WT1: variants seen among roughly 807,000 people sequenced by gnomAD.
WT1 encodes Wilms tumor protein.
Under a neutral mutation model 60.8 loss-of-function variants are expected in WT1, and 8 were observed. The observed-to-expected ratio is 0.13, with a 90% CI of 0.08 to 0.24. The LOEUF is 0.24. WT1 is among the 10% of genes least tolerant of loss of function. The pLI is 1.00. For missense variants in WT1, 568 were observed against 711.8 expected (o/e 0.80, Z 2.30); for synonymous variants, 312 against 297.1 (o/e 1.05, Z -0.52).
rs1196763919 is a variant in WT1, at chr11:32,388,929, G to A, written c.*129C>T. 3 of 1,530,596 alleles carry A rather than the reference G, an allele frequency of 2.0e-6. No individual in the cohort carries two copies. In the African/African-American group the frequency reaches 4.1e-5, roughly 21 times the overall value. The allele number at this position is 1,530,596 out of a possible 1,614,324, so 94.8% of individuals were successfully genotyped here. On this transcript the variant is annotated 3_prime_UTR_variant, in exon 10 of 10. Transcript: ENST00000452863. ...TAGTTTCCAGAAGCACCGGTATCTT[G>A]TCTTGGAAGTTGGATGAAGAAGATC...
chr11:32,406,255 T>C lies in WT1; in HGVS notation c.1017-6211A>G, dbSNP rs892281923. Among the ~76,000 whole-genome samples the C allele has an allele frequency of 9.2e-5, 14 of 152,198 alleles. No homozygotes were observed. In the East Asian group the frequency reaches 2.7e-3, roughly 29 times the overall value. On this transcript the variant is annotated intron_variant, in intron 5 of 9. Coordinates refer to ENST00000452863, the MANE Select transcript of WT1 (RefSeq NM_024426.6). ...GGTGGAGGTGGGGGTGGTTTTGGGA[T>C]GAAATTGTTCCACCTCAGATCGTCA...
intron 9 of WT1, 70 bp from the exon 10 acceptor site, chr11:32,389,249 C>A: frequency 1.9e-6 from 3 of 1,611,406 alleles, no homozygotes; most frequent in South Asian, 1.1e-5. Context: ...TATCAAGGCC[C>A]GAGTGAAGTC....
At chr11:32,425,180 GAAAAAAAAA>G (rs10540778) in intron 3 of WT1, among the ~76,000 whole-genome samples, 3 of 119,272 alleles carry the variant, frequency 2.5e-5, no homozygotes, top group African/African-American at 9.1e-5. Context: ...GTCTCGAAAA[GAAAAAAAAA>G]AAAAAAAAAA....
chr11:32,389,967 A>T (rs929264395), intron 9 of WT1, among the ~76,000 whole-genome samples: 3 of 152,184 alleles, frequency 2.0e-5, no homozygotes, highest in Non-Finnish European at 2.9e-5. Context: ...ACACGCACAC[A>T]CACAACCTCA....
At chr11:32,393,864 T>C (rs1198292344) in intron 7 of WT1, among the ~76,000 whole-genome samples, 1 of 152,156 alleles carries the variant, frequency 6.6e-6, no homozygotes, top group Non-Finnish European at 1.5e-5. Flanking sequence ...CTTCAATGGG[T>C]TGGAAAATCC....
intron 7 of WT1, 42 bp from the exon 8 acceptor site, chr11:32,392,797 A>G: frequency 6.3e-7 from 1 of 1,594,362 alleles, no homozygotes; most frequent in Non-Finnish European, 8.6e-7. Flanking sequence ...GATACTGGAA[A>G]AGGGGATCTC....
chr11:32,430,441 A>AGAGGGAGGGG, intron 1 of WT1: 1 of 1,351,470 alleles, frequency 7.4e-7, no homozygotes, highest in Non-Finnish European at 1.0e-6. Context: ...ACAGAGAGAG[A>AGAGGGAGGGG]GAGAGAGAGG....
At chr11:32,428,437 G>C in intron 2 of WT1, 60 bp downstream of exon 2, 1 of 1,611,544 alleles carries the variant, frequency 6.2e-7, no homozygotes, top group Non-Finnish European at 8.5e-7. Context: ...GAATTCCTGG[G>C]GGAGAGGAGG....
At chr11:32,427,643 TA>T (rs1853100482) in intron 3 of WT1, among the ~76,000 whole-genome samples, 1 of 152,236 alleles carries the variant, frequency 6.6e-6, no homozygotes, top group Non-Finnish European at 1.5e-5. Flanking sequence ...CCGTGTTTAA[TA>T]TTTAGTCCCG....
At chr11:32,428,387 C>T in intron 2 of WT1, 110 bp downstream of exon 2, 1 of 1,562,840 alleles carries the variant, frequency 6.4e-7, no homozygotes, top group Non-Finnish European at 8.7e-7. Context: ...TTCTAAGGTC[C>T]TTTTAGATGT....
At chr11:32,424,300 G>A (rs972734509) in intron 3 of WT1, among the ~76,000 whole-genome samples, 3 of 152,062 alleles carry the variant, frequency 2.0e-5, no homozygotes, top group African/African-American at 7.2e-5. Context: ...ATCAAATCCT[G>A]ATTCTGATTC....
chr11:32,426,680 G>C (rs1269744364), intron 3 of WT1, among the ~76,000 whole-genome samples: 4 of 151,572 alleles, frequency 2.6e-5, no homozygotes, highest in African/African-American at 7.3e-5. Flanking sequence ...CGGATGTTCC[G>C]GGGGAAAAAA....
intron 3 of WT1, among the ~76,000 whole-genome samples, chr11:32,419,301 T>C (rs1852780185): frequency 6.6e-6 from 1 of 152,190 alleles, no homozygotes; most frequent in African/African-American, 2.4e-5. Context: ...TCTCTACTGG[T>C]TTTTGTTCTC....
At chr11:32,415,457 T>C (rs556042092) in intron 5 of WT1, among the ~76,000 whole-genome samples, 2 of 152,322 alleles carry the variant, frequency 1.3e-5, no homozygotes, top group South Asian at 4.1e-4. Flanking sequence ...GACACCAGAC[T>C]GACCAACATG....
chr11:32,428,142 C>G, intron 2 of WT1, 84 bp from the exon 3 acceptor site: 2 of 1,277,852 alleles, frequency 1.6e-6, no homozygotes, highest in South Asian at 2.9e-5. Flanking sequence ...GGGGGAGACA[C>G]GAGATCCTGA....
At chr11:32,393,442 G>A (rs1372402221) in intron 7 of WT1, among the ~76,000 whole-genome samples, 1 of 152,200 alleles carries the variant, frequency 6.6e-6, no homozygotes, top group African/African-American at 2.4e-5. Flanking sequence ...GCCAAATACT[G>A]GGACCTGAGC....
chr11:32,416,128 G>C (rs553046975), intron 5 of WT1, among the ~76,000 whole-genome samples: 2 of 152,312 alleles, frequency 1.3e-5, no homozygotes, highest in African/African-American at 4.8e-5. Flanking sequence ...GGTAAATAAA[G>C]AAGAAGCAAG....
At chr11:32,397,627 C>T (rs1852013599) in intron 6 of WT1, among the ~76,000 whole-genome samples, 1 of 152,122 alleles carries the variant, frequency 6.6e-6, no homozygotes, top group South Asian at 2.1e-4. Context: ...GCCTAAAGTG[C>T]ATCCATGTTT....
rs1405273217 is a variant in WT1 at position 32,434,687 on chromosome 11, C to T, written c.661+13G>A. ...CTGCCCCGCGCGTAGGGGGCGCTCC[C>T]CGGCCTACTTACCCTGATTGCGAAT... On this transcript the variant is annotated intron_variant, in intron 1 of 9. Coordinates refer to ENST00000452863, the MANE Select transcript of WT1 (RefSeq NM_024426.6). 6.2e-7 allele frequency: 1 copy of T among 1,612,700 alleles called. No homozygotes were observed. Among genetic ancestry groups the T allele is most frequent in the Non-Finnish European group, 8.5e-7 (1 of 1,179,904 alleles).
Sources: gnomAD v4.1 joint callset for allele counts (sites outside exome capture counted in the v4.1 genomes callset) on GRCh38, gnomAD v4.1.1 for gene constraint, MANE v1.5 for transcripts, NCBI Gene and HGNC (gene_info 2026-07-23, HGNC 2026-07-21) for gene names.